Variants in FRYL observed in about 807,000 individuals in gnomAD.
FRYL encodes protein furry homolog-like.
FRYL carries 150 observed loss-of-function variants against 351.2 expected under a neutral mutation model. That is an observed-to-expected ratio of 0.43 (90% CI 0.37 to 0.49). FRYL has a LOEUF of 0.49. Among genes scored for constraint, FRYL ranks in the 20% least tolerant of loss-of-function variants. The pLI is 0.00. For missense variants in FRYL, 3,036 were observed against 3,619.3 expected (o/e 0.84, Z 4.13); for synonymous variants, 1,153 against 1,257.1 (o/e 0.92, Z 1.75).
intron 3 of FRYL, among the ~76,000 whole-genome samples, chr4:48,648,519 A>G (rs568161835): frequency 6.6e-6 from 1 of 152,256 alleles, no homozygotes; most frequent in African/African-American, 2.4e-5. Context: ...GCCTTCAATT[A>G]AAATATGAAG....
intron 19 of FRYL, among the ~76,000 whole-genome samples, chr4:48,585,092 C>T (rs1741806443): frequency 1.3e-5 from 2 of 152,120 alleles, no homozygotes; most frequent in South Asian, 2.1e-4. Context: ...TGTGGATCAA[C>T]ATCCACAAAG....
At chr4:48,571,711 A>G in intron 26 of FRYL, 1 of 978,320 alleles carries the variant, frequency 1.0e-6, no homozygotes, top group Non-Finnish European at 1.2e-6. Flanking sequence ...CTCTTTCTAA[A>G]GTTGACAGCA....
intron 3 of FRYL, among the ~76,000 whole-genome samples, chr4:48,673,332 AAAG>A (rs1763020805): frequency 6.6e-6 from 1 of 152,012 alleles, no homozygotes; most frequent in Admixed American, 6.5e-5. Flanking sequence ...AAGCACCAAA[AAAG>A]TACATGTTCT....
intron 35 of FRYL, among the ~76,000 whole-genome samples, chr4:48,556,270 T>C (rs966955063): frequency 4.6e-5 from 7 of 152,240 alleles, no homozygotes; most frequent in Non-Finnish European, 7.3e-5. Flanking sequence ...TGCCACGGGA[T>C]AGATATCTAT....
In FRYL at chr4:48,780,084, C is replaced by T. The variant is rs1418469090; in HGVS notation, c.-390G>A. 1 of 152,660 alleles carries T rather than the reference C, an allele frequency of 6.6e-6. No homozygotes were observed. Among genetic ancestry groups the T allele is most frequent in the African/African-American group, 2.4e-5 (1 of 41,426 alleles). The allele number at this position is 152,660 out of a possible 1,614,324, so 9.5% of individuals were successfully genotyped here. A position where few individuals can be genotyped will look rare whatever the true frequency, so the allele number is the denominator to read the frequency against. Reference sequence around the variant, plus strand: ...TTCCCCAGTCAACACCTACCCGTTCCCAGTCCTAGTACAGCTGCCTCGCTC... The same window carrying T: ...TTCCCCAGTCAACACCTACCCGTTCTCAGTCCTAGTACAGCTGCCTCGCTC... On this transcript the variant is annotated 5_prime_UTR_variant, in exon 1 of 64. Coordinates refer to ENST00000358350, the MANE Select transcript of FRYL (RefSeq NM_015030.2).
At position 48,717,196 on chromosome 4, in the gene FRYL, G is replaced by A. The variant is rs753733541; in HGVS notation, c.-383-6498C>T. Among the ~76,000 whole-genome samples, 44 of 150,816 alleles carry A rather than the reference G, an allele frequency of 2.9e-4. 2 individuals are homozygous for A. Among genetic ancestry groups the A allele is most frequent in the Non-Finnish European group, 6.4e-4 (43 of 67,638 alleles). On this transcript the variant is annotated intron_variant, in intron 1 of 63. Coordinates refer to ENST00000358350, the MANE Select transcript of FRYL (RefSeq NM_015030.2). Reference sequence around the variant, plus strand: ...TAGATGACGAGTTAGTGGGTGCAGTGCACCAGCATGGCACATGTATACATA... The same window carrying A: ...TAGATGACGAGTTAGTGGGTGCAGTACACCAGCATGGCACATGTATACATA...
chr4:48,499,619 G>A lies in FRYL; in HGVS notation c.8845C>T (p.His2949Tyr), dbSNP rs1312845227. 1.2e-6 allele frequency: 2 copies of A among 1,613,926 alleles called. No homozygotes were observed. Among genetic ancestry groups the A allele is most frequent in the Admixed American group, 1.7e-5 (1 of 60,016 alleles). ...AGCGTCTGATGATGGAAATATATAT[G>A]TAACAGTGTCTGTACAGGGTCATCT... ...CEDDPVQTLL[H>Y]IYFHHQTLGQ... The change falls in exon 64 of 64, where the codon CAT becomes TAT. Residue 2949 changes from histidine to tyrosine, a missense_variant. His to Tyr is a moderately conservative substitution (Grantham distance 83, BLOSUM62 2). This residue lies in a region of FRYL where 1,987 missense variants were observed against 2,311.7 expected (regional missense o/e 0.86). Transcript: ENST00000358350.
chr4:48,601,575 C>A (rs553975793), intron 13 of FRYL, among the ~76,000 whole-genome samples: 11 of 152,254 alleles, frequency 7.2e-5, no homozygotes, highest in African/African-American at 2.6e-4. Context: ...CCAGTACCAA[C>A]TTTTAGATAT....
chr4:48,723,940 A>AAAT (rs35636867), intron 1 of FRYL, among the ~76,000 whole-genome samples: 67,303 of 140,134 alleles, frequency 0.48, 16,562 homozygotes, highest in African/African-American at 0.56. Flanking sequence ...AAAATAAATA[A>AAAT]AATAATAATA....
At position 48,748,727 on chromosome 4, in the gene FRYL, C is replaced by T. The variant is rs114109055; in HGVS notation, c.-384+31351G>A. ...TCAATGAACAAAACAGATGCAAAAT[C>T]CTGCCCTCATGAAGCCCAACTGCTA... is the stretch of plus-strand genomic sequence containing the variant. On this transcript the variant is annotated intron_variant, in intron 1 of 63. Transcript: ENST00000358350. Among the ~76,000 whole-genome samples the T allele has an allele frequency of 4.6e-3, 704 of 152,332 alleles. 4 individuals carry two copies. Among genetic ancestry groups the T allele is most frequent in the African/African-American group, 0.016 (664 of 41,566 alleles).
intron 56 of FRYL, among the ~76,000 whole-genome samples, chr4:48,514,079 T>C (rs984850887): frequency 6.6e-6 from 1 of 152,188 alleles, no homozygotes; most frequent in African/African-American, 2.4e-5. Context: ...GATATGTTGA[T>C]GGTAAAAAAA....
At chr4:48,707,503 A>G (rs572247146) in intron 2 of FRYL, among the ~76,000 whole-genome samples, 20 of 152,232 alleles carry the variant, frequency 1.3e-4, no homozygotes, top group Non-Finnish European at 2.1e-4. Flanking sequence ...CTGAATACAA[A>G]GCAATTGGTT....
chr4:48,704,803 G>T (rs752120184), intron 2 of FRYL, among the ~76,000 whole-genome samples: 2 of 152,152 alleles, frequency 1.3e-5, no homozygotes, highest in Non-Finnish European at 2.9e-5. Flanking sequence ...ACAAAAATTA[G>T]CTGGGCATGG....
At chr4:48,619,170 T>C in intron 7 of FRYL, 104 bp downstream of exon 7, 5 of 751,442 alleles carry the variant, frequency 6.7e-6, no homozygotes, top group South Asian at 3.4e-5. Context: ...ATTTAATTTA[T>C]GTGGGCTAAA....
At chr4:48,737,662 C>T (rs773215073) in intron 1 of FRYL, among the ~76,000 whole-genome samples, 2 of 152,110 alleles carry the variant, frequency 1.3e-5, no homozygotes, top group Non-Finnish European at 2.9e-5. Context: ...AACCAGGAAA[C>T]GACATTACAA....
At chr4:48,752,903 T>C (rs547682934) in intron 1 of FRYL, among the ~76,000 whole-genome samples, 3 of 152,148 alleles carry the variant, frequency 2.0e-5, no homozygotes, top group Admixed American at 6.6e-5. Flanking sequence ...CAGCAGCTAC[T>C]AGCAGTAAGA....
chr4:48,694,486 A>G (rs1765964746), intron 2 of FRYL, among the ~76,000 whole-genome samples: 1 of 151,930 alleles, frequency 6.6e-6, no homozygotes, highest in Admixed American at 6.6e-5. Flanking sequence ...TAGGAGAGAC[A>G]GGGTTTCACC....
intron 27 of FRYL, 30 bp downstream of exon 27, chr4:48,570,797 G>C: frequency 6.8e-7 from 1 of 1,475,326 alleles, no homozygotes; most frequent in Non-Finnish European, 9.5e-7. Flanking sequence ...GATCATTCCA[G>C]AGTTTTAACA....
At chr4:48,529,407 T>C (rs1727029146) in intron 50 of FRYL, among the ~76,000 whole-genome samples, 1 of 152,182 alleles carries the variant, frequency 6.6e-6, no homozygotes. Flanking sequence ...AAATTAAGTA[T>C]ATAAAATGTT....
Sources: allele counts gnomAD v4.1 joint callset (sites outside exome capture counted in the v4.1 genomes callset), GRCh38; gene constraint gnomAD v4.1.1; regional missense constraint gnomAD v4.1.1; transcripts MANE v1.5; gene names NCBI Gene and HGNC (gene_info 2026-07-23, HGNC 2026-07-21).